IQCM: variants seen among roughly 807,000 people sequenced by gnomAD.
IQCM encodes the protein IQ domain-containing protein M.
Under a neutral mutation model 57.6 loss-of-function variants are expected in IQCM, and 45 were observed. That is an observed-to-expected ratio of 0.78 (90% confidence interval 0.62 to 1.00). IQCM has a LOEUF of 1.00. IQCM is among the 50% of genes least tolerant of loss of function. The pLI is 0.00. For synonymous variants in IQCM, 148 were observed against 158.9 expected, an observed-to-expected ratio of 0.93 and a Z score of 0.51; for missense variants, 468 against 511.6, an observed-to-expected ratio of 0.91 and a Z score of 0.82.
chr4:149,400,971 T>A (rs993449718), intron 13 of IQCM, among the ~76,000 whole-genome samples: 2 of 151,836 alleles, frequency 1.3e-5, no homozygotes, highest in Non-Finnish European at 2.9e-5. Context: ...ACTTTTCACA[T>A]CTATTAAAAG....
intron 13 of IQCM, among the ~76,000 whole-genome samples, chr4:149,355,118 G>T (rs1381779703): frequency 2.0e-5 from 3 of 151,946 alleles, no homozygotes; most frequent in Admixed American, 2.0e-4. Context: ...GCTTTTTAAA[G>T]AAATTTCACT....
Position 149,355,628 on chromosome 4 carries a change from T to C in IQCM, c.1391-3562A>G, listed in dbSNP as rs376565481. ...ATGGTGTATTTGTGCCATATTTTCTTAATCTAGTCTATCATTGTTGCACAT... is the reference window on the plus strand; with the variant it reads ...ATGGTGTATTTGTGCCATATTTTCTCAATCTAGTCTATCATTGTTGCACAT... On this transcript the variant is annotated intron_variant, in intron 13 of 13. Transcript: ENST00000636793. Among the ~76,000 whole-genome samples the C allele has an allele frequency of 1.0e-3, 158 of 152,340 alleles. 4 individuals are homozygous for C. The South Asian group carries it at 0.031, about 30-fold the overall frequency.
At chr4:149,487,426 T>A (rs1741640742) in intron 12 of IQCM, among the ~76,000 whole-genome samples, 2 of 152,180 alleles carry the variant, frequency 1.3e-5, no homozygotes, top group East Asian at 3.9e-4. Flanking sequence ...CTCCCTTGGC[T>A]GTGCCAGTTG....
chr4:149,752,446 C>T (rs1768541152), intron 2 of IQCM, among the ~76,000 whole-genome samples: 1 of 151,008 alleles, frequency 6.6e-6, no homozygotes, highest in African/African-American at 2.4e-5. Flanking sequence ...CAGCTACTCA[C>T]AGGGCTGAGG....
At chr4:149,576,150 T>C (rs1044584496) in intron 9 of IQCM, among the ~76,000 whole-genome samples, 4 of 151,860 alleles carry the variant, frequency 2.6e-5, no homozygotes, top group African/African-American at 9.7e-5. Context: ...ATTTTTTTTC[T>C]TTCCAACTTT....
chr4:149,729,367 T>C (rs1431905027), intron 5 of IQCM, among the ~76,000 whole-genome samples: 1 of 152,214 alleles, frequency 6.6e-6, no homozygotes, highest in East Asian at 1.9e-4. Context: ...TCTCTGGAAA[T>C]GAAATTCTCT....
intron 13 of IQCM, among the ~76,000 whole-genome samples, chr4:149,395,710 G>A (rs1732174158): frequency 6.6e-6 from 1 of 151,918 alleles, no homozygotes; most frequent in Non-Finnish European, 1.5e-5. Context: ...TCTATCAGGA[G>A]ACAGGAACAT....
intron 12 of IQCM, among the ~76,000 whole-genome samples, chr4:149,496,327 T>A (rs886177834): frequency 2.0e-5 from 3 of 152,136 alleles, no homozygotes; most frequent in African/African-American, 7.2e-5. Flanking sequence ...TATCCACATC[T>A]CAATCCTGAA....
intron 9 of IQCM, among the ~76,000 whole-genome samples, chr4:149,584,324 T>C (rs992275306): frequency 3.3e-5 from 5 of 151,612 alleles, no homozygotes; most frequent in Non-Finnish European, 7.4e-5. Context: ...GTCATTTAAA[T>C]TAAAATATTG....
chr4:149,458,583 A>G (rs1184771444), intron 12 of IQCM, among the ~76,000 whole-genome samples: 1 of 151,866 alleles, frequency 6.6e-6, no homozygotes. Flanking sequence ...ATTTTTTAGC[A>G]TCTAGTTTGC....
At chr4:149,544,523 C>T (rs1026808841) in intron 12 of IQCM, among the ~76,000 whole-genome samples, 4 of 152,036 alleles carry the variant, frequency 2.6e-5, no homozygotes, top group African/African-American at 4.8e-5. Flanking sequence ...ATCAAAATTC[C>T]GATGGCATTT....
chr4:149,690,882 GGTACA>G (rs1762894748), intron 5 of IQCM: 1 of 152,080 alleles, frequency 6.6e-6, no homozygotes, highest in South Asian at 2.1e-4. Flanking sequence ...TAACCTGGAA[GGTACA>G]GAGCCAGGAC....
intron 12 of IQCM, among the ~76,000 whole-genome samples, chr4:149,546,257 G>T (rs145620487): frequency 0.038 from 5,849 of 152,236 alleles, 391 homozygotes; most frequent in African/African-American, 0.13. Context: ...TTGCTATTGT[G>T]AATAGTGCCA....
intron 12 of IQCM, among the ~76,000 whole-genome samples, chr4:149,487,021 A>C (rs1741595516): frequency 6.6e-6 from 1 of 152,124 alleles, no homozygotes; most frequent in African/African-American, 2.4e-5. Flanking sequence ...CACCATAGAC[A>C]CCACAGCTGG....
chr4:149,720,993 G>T (rs1001122912), intron 5 of IQCM, among the ~76,000 whole-genome samples: 2 of 151,962 alleles, frequency 1.3e-5, no homozygotes, highest in African/African-American at 4.8e-5. Context: ...AAATTCTTCC[G>T]AGTAATTTTG....
intron 13 of IQCM, among the ~76,000 whole-genome samples, chr4:149,368,520 C>T (rs896877058): frequency 6.6e-6 from 1 of 151,630 alleles, no homozygotes; most frequent in African/African-American, 2.4e-5. Context: ...TCAATGATAA[C>T]AAATCCATTT....
At chr4:149,455,034 C>G (rs1314964864) in intron 12 of IQCM, among the ~76,000 whole-genome samples, 1 of 152,020 alleles carries the variant, frequency 6.6e-6, no homozygotes, top group African/African-American at 2.4e-5. Flanking sequence ...ATTCGACTTA[C>G]AATTTTTCAA....
intron 13 of IQCM, among the ~76,000 whole-genome samples, chr4:149,371,869 G>A (rs1038654351): frequency 6.6e-6 from 1 of 152,032 alleles, no homozygotes; most frequent in Non-Finnish European, 1.5e-5. Flanking sequence ...TGCTTCTAAG[G>A]ATGGCCATTC....
At chr4:149,786,026 ATATTATAATGTGTAGAACTTC>A in intron 2 of IQCM, among the ~76,000 whole-genome samples, 1 of 152,158 alleles carries the variant, frequency 6.6e-6, no homozygotes, top group Non-Finnish European at 1.5e-5. Flanking sequence ...TTTCTAAATT[ATATTATAATGTGTAGAACTTC>A]CATTTCTGGC....
Sources: gnomAD v4.1 joint callset for allele counts (sites outside exome capture counted in the v4.1 genomes callset) on GRCh38, gnomAD v4.1.1 for gene constraint, MANE v1.5 for transcripts, NCBI Gene and HGNC (gene_info 2026-07-23, HGNC 2026-07-21) for gene names.